Variants in RAPGEF1 observed in about 807,000 individuals in gnomAD.
RAPGEF1 encodes the protein Rap guanine nucleotide exchange factor 1.
A neutral mutation model predicts 143.3 loss-of-function variants in RAPGEF1; 33 were observed. That is an observed-to-expected ratio of 0.23 (90% confidence interval 0.17 to 0.31). RAPGEF1 has a LOEUF of 0.31. Among genes scored for constraint, RAPGEF1 ranks in the 10% least tolerant of loss-of-function variants. The probability of loss-of-function intolerance (pLI) is 1.00; values close to 1 mark genes in which losing one functional copy is unlikely to be tolerated. For missense variants in RAPGEF1, 1,199 were observed against 1,645.4 expected (o/e 0.73, Z 4.69); for synonymous variants, 629 against 676.5 (o/e 0.93, Z 1.09).
intron 16 of RAPGEF1, among the ~76,000 whole-genome samples, chr9:131,597,380 CTG>C (rs1425691380): frequency 2.0e-5 from 3 of 152,238 alleles, no homozygotes; most frequent in Non-Finnish European, 4.4e-5. Context: ...TCAGCCCTGC[CTG>C]TGTGTGACAG....
chr9:131,597,805 G>A (rs988854588), intron 16 of RAPGEF1, among the ~76,000 whole-genome samples: 1 of 152,110 alleles, frequency 6.6e-6, no homozygotes, highest in Non-Finnish European at 1.5e-5. Context: ...CCCTGCCTCT[G>A]TCTCCCAGAC....
In RAPGEF1 at chr9:131,604,921, G is replaced by A. The variant is rs961279979; in HGVS notation, c.2319+10C>T. 1 of 1,295,590 alleles carries A rather than the reference G, an allele frequency of 7.7e-7. No individual in the cohort carries two copies. The highest frequency in any genetic ancestry group is 1.5e-5 in the African/African-American group (1 of 65,606). The allele number at this position is 1,295,590 out of a possible 1,614,324, so 80.3% of individuals were successfully genotyped here. The stretch of plus-strand genomic sequence containing the variant: ...GTGTGTGTGTGTGTGTGTGCACGCT[G>A]AGTTCTCACCGAGTCAGTGAAAGAG... On this transcript the variant is annotated intron_variant, in intron 13 of 26. Coordinates refer to ENST00000683357, the MANE Select transcript of RAPGEF1 (RefSeq NM_001377935.1).
At chr9:131,647,226 T>A (rs756326134) in intron 3 of RAPGEF1, among the ~76,000 whole-genome samples, 1 of 152,226 alleles carries the variant, frequency 6.6e-6, no homozygotes, top group Non-Finnish European at 1.5e-5. Context: ...AGACTGCTAA[T>A]GTGGAATCAG....
intron 1 of RAPGEF1, among the ~76,000 whole-genome samples, chr9:131,658,917 A>G (rs1166394024): frequency 6.6e-6 from 1 of 152,222 alleles, no homozygotes; most frequent in East Asian, 1.9e-4. Flanking sequence ...TTCCCAACTT[A>G]GCAGTGGTTT....
rs370557537 is a variant in RAPGEF1, at chr9:131,586,443, AACAC to A, written c.3233+1289_3233+1292del. Among the ~76,000 whole-genome samples, 46 of 15,178 alleles carry A rather than the reference AACAC, an allele frequency of 3.0e-3. 2 individuals are homozygous for A. Among genetic ancestry groups the A allele is most frequent in the Non-Finnish European group, 4.3e-3 (35 of 8,076 alleles). 10.0% of individuals were successfully genotyped at this position (15,178 alleles called of 152,430 possible). Reference sequence around the variant, plus strand: ...ACCTGCAGAGCGAGACTCCGTCTCAAACACACACACACACACACACCTGCAGAGC... The same window carrying A: ...ACCTGCAGAGCGAGACTCCGTCTCAAACACACACACACACACCTGCAGAGC... On this transcript the variant is annotated intron_variant, in intron 22 of 26. Coordinates refer to ENST00000683357, the MANE Select transcript of RAPGEF1 (RefSeq NM_001377935.1).
intron 12 of RAPGEF1, 133 bp from the exon 13 acceptor site, chr9:131,605,321 C>CA: frequency 1.2e-6 from 1 of 810,316 alleles, no homozygotes; most frequent in Non-Finnish European, 1.7e-6. Context: ...CCAATCACGC[C>CA]AAGCAACCCC....
intron 17 of RAPGEF1, among the ~76,000 whole-genome samples, chr9:131,593,143 C>G (rs914252246): frequency 6.6e-6 from 1 of 152,214 alleles, no homozygotes; most frequent in Non-Finnish European, 1.5e-5. Flanking sequence ...GGCCGGGTAC[C>G]AAGGAGAGGC....
Position 131,650,050 on chromosome 9 carries a change from T to C in RAPGEF1, c.315+79A>G. ...ACATAATAATAGTGCAATAGAGTTT[T>C]TTCCATCCCCAAAACCATGGACCAG... On this transcript the variant is annotated intron_variant, in intron 3 of 26. Coordinates refer to ENST00000683357, the MANE Select transcript of RAPGEF1 (RefSeq NM_001377935.1). The surrounding 1 kb of genome is among the most constrained non-coding windows in gnomAD (Gnocchi z 4.7). 1 of 1,226,854 alleles carries C rather than the reference T, an allele frequency of 8.2e-7. No homozygotes were observed. The highest frequency in any genetic ancestry group is 1.4e-5 in the South Asian group (1 of 70,700). The allele number at this position is 1,226,854 out of a possible 1,614,324, so 76.0% of individuals were successfully genotyped here. A position where few individuals can be genotyped will look rare whatever the true frequency, so the allele number is the denominator to read the frequency against.
intron 15 of RAPGEF1, among the ~76,000 whole-genome samples, chr9:131,601,670 C>G (rs1588339713): frequency 1.3e-5 from 2 of 152,152 alleles, no homozygotes; most frequent in Non-Finnish European, 2.9e-5. Flanking sequence ...CTTTGGGAGG[C>G]TGATGTGGGA....
chr9:131,666,660 C>T (rs1414862754), intron 1 of RAPGEF1, among the ~76,000 whole-genome samples: 2 of 152,198 alleles, frequency 1.3e-5, no homozygotes, highest in African/African-American at 2.4e-5. Context: ...GCTGAGATTA[C>T]AGGCAAGAGT....
chr9:131,584,127 T>C lies in RAPGEF1; in HGVS notation c.3414+184A>G, dbSNP rs1174777604. Among the ~76,000 whole-genome samples the C allele has an allele frequency of 1.3e-5, 2 of 152,086 alleles. No individual in the cohort carries two copies. The highest frequency in any genetic ancestry group is 4.8e-5 in the African/African-American group (2 of 41,414). ...TCGAAGCTCCCGGGGGCCTGAAGAT[T>C]GGGGATCAGAGACAGGAAGGCGGGA... is the stretch of plus-strand genomic sequence containing the variant. On this transcript the variant is annotated intron_variant, in intron 24 of 26. Transcript: ENST00000683357. This position sits in a 1 kb window ranked among gnomAD's most constrained non-coding sequence, Gnocchi z 6.8.
rs528021799 is a variant in RAPGEF1 at position 131,700,522 on chromosome 9, C to T, written c.61+39248G>A. On this transcript the variant is annotated intron_variant, in intron 1 of 26. Coordinates refer to ENST00000683357, the MANE Select transcript of RAPGEF1 (RefSeq NM_001377935.1). ...CTTATTTTCCTCATTAGGTATCCCCCGTGCCTGGAACAGTGGAGACACAGG... is the reference window on the plus strand; with the variant it reads ...CTTATTTTCCTCATTAGGTATCCCCTGTGCCTGGAACAGTGGAGACACAGG... Among the ~76,000 whole-genome samples the T allele has an allele frequency of 9.2e-5, 14 of 152,300 alleles. No individual in the cohort carries two copies. The Middle Eastern group carries it at 0.01, about 111-fold the overall frequency.
In RAPGEF1 at chr9:131,589,164, G is replaced by A. The variant is rs577877254; in HGVS notation, c.2868-178C>T. Among the ~76,000 whole-genome samples the A allele has an allele frequency of 3.3e-5, 5 of 152,332 alleles. No individual in the cohort carries two copies. In the East Asian group the frequency reaches 7.7e-4, roughly 24 times the overall value. Reference sequence around the variant, plus strand: ...TGGGATGGCTGCCTGTGTCCTTGGAGGTGTTGGGATGGTCACAAGCACCTG... The same window carrying A: ...TGGGATGGCTGCCTGTGTCCTTGGAAGTGTTGGGATGGTCACAAGCACCTG... On this transcript the variant is annotated intron_variant, in intron 19 of 26. Transcript: ENST00000683357.
At chr9:131,665,105 G>A (rs149040370) in intron 1 of RAPGEF1, among the ~76,000 whole-genome samples, 53 of 152,322 alleles carry the variant, frequency 3.5e-4, no homozygotes, top group South Asian at 8.3e-4. Flanking sequence ...GGCCCTCAGG[G>A]ACATGTGTAG....
chr9:131,646,819 T>C (rs1969771224), intron 3 of RAPGEF1, among the ~76,000 whole-genome samples: 1 of 151,468 alleles, frequency 6.6e-6, no homozygotes, highest in African/African-American at 2.4e-5. Context: ...TGCAACATTA[T>C]TCCTATTAGT....
chr9:131,580,337 G>T lies in RAPGEF1; in HGVS notation c.3567C>A (p.Ile1189=). The T allele has an allele frequency of 6.2e-7, 1 of 1,613,958 alleles. No individual in the cohort carries two copies. The highest frequency in any genetic ancestry group is 2.2e-5 in the East Asian group (1 of 44,882). ...TFVHLGNPDY[I]DGKVNFSKRW... ...GCTTGGAGAAGTTCACTTTCCCGTC[G>T]ATGTAGTCTGGGTTTCCCAGGTGAA... Residue 1189 remains isoleucine (I), a synonymous_variant, in exon 26 of 27, where the codon ATC becomes ATA. Coordinates refer to ENST00000683357, the MANE Select transcript of RAPGEF1 (RefSeq NM_001377935.1).
At chr9:131,735,785 T>C (rs1357637762) in intron 1 of RAPGEF1, among the ~76,000 whole-genome samples, 1 of 152,168 alleles carries the variant, frequency 6.6e-6, no homozygotes, top group Admixed American at 6.5e-5. Flanking sequence ...AGCTGCCTTG[T>C]AGGCAGGAAC....
chr9:131,638,092 C>G (rs1024015591), intron 5 of RAPGEF1, among the ~76,000 whole-genome samples: 2 of 152,262 alleles, frequency 1.3e-5, no homozygotes, highest in African/African-American at 4.8e-5. Flanking sequence ...GACCCCAATT[C>G]CAGACCTTCT....
At position 131,621,606 on chromosome 9, in the gene RAPGEF1, G is replaced by A. The variant is rs540535319; in HGVS notation, c.1905+190C>T. Among the ~76,000 whole-genome samples the A allele has an allele frequency of 1.1e-4, 16 of 152,322 alleles. No individual in the cohort carries two copies. The East Asian group carries it at 2.1e-3, about 20-fold the overall frequency. On this transcript the variant is annotated intron_variant, in intron 11 of 26. Coordinates refer to ENST00000683357, the MANE Select transcript of RAPGEF1 (RefSeq NM_001377935.1). The surrounding 1 kb of genome is among the most constrained non-coding windows in gnomAD (Gnocchi z 4.5). ...AGGGTGGGGAGGTGGTGGAGTGGGC[G>A]CTGGGCTGCTGGTGAGCATCTAAGG...
Sources: allele counts gnomAD v4.1 joint callset (sites outside exome capture counted in the v4.1 genomes callset), GRCh38; gene constraint gnomAD v4.1.1; non-coding constraint Gnocchi (gnomAD v3.1); transcripts MANE v1.5; gene names NCBI Gene and HGNC (gene_info 2026-07-23, HGNC 2026-07-21).